NDUFAF6: variants seen among roughly 807,000 people sequenced by gnomAD.
The protein encoded by NDUFAF6 is NADH dehydrogenase (ubiquinone) complex I, assembly factor 6.
NDUFAF6 carries 45 observed loss-of-function variants against 40.8 expected under a neutral mutation model. That is an observed-to-expected ratio of 1.10 (90% CI 0.87 to 1.42). The LOEUF is 1.42. NDUFAF6 is among the 40% of genes most tolerant of loss of function. The pLI, the probability that NDUFAF6 is intolerant of heterozygous loss-of-function variation, is 0.00. For synonymous variants in NDUFAF6, 185 were observed against 155.9 expected (o/e 1.19, Z -1.39); for missense variants, 435 against 418.5 (o/e 1.04, Z -0.34).
At chr8:94,925,521 A>ATT (rs1048859401) in intron 1 of NDUFAF6, among the ~76,000 whole-genome samples, 1 of 147,554 alleles carries the variant, frequency 6.8e-6, no homozygotes, top group African/African-American at 2.5e-5. Context: ...CACTTAAGTG[A>ATT]TTCCTCATTT....
intron 2 of NDUFAF6, among the ~76,000 whole-genome samples, chr8:95,014,704 A>G (rs1162339768): frequency 1.3e-5 from 2 of 152,234 alleles, no homozygotes; most frequent in African/African-American, 4.8e-5. Context: ...ATAATTTACT[A>G]GCTCACATAA....
chr8:94,923,103 T>C (rs570323466), intron 1 of NDUFAF6, among the ~76,000 whole-genome samples: 1 of 152,040 alleles, frequency 6.6e-6, no homozygotes, highest in African/African-American at 2.4e-5. Flanking sequence ...CATGCGACCA[T>C]GAGAATGGCC....
At chr8:95,080,918 A>G (rs959731830), downstream of NDUFAF6, among the ~76,000 whole-genome samples, 5 of 152,156 alleles carry the variant, frequency 3.3e-5, no homozygotes, top group Non-Finnish European at 7.3e-5. Flanking sequence ...CCTTGGGCCA[A>G]TATGTCTCAG....
intron 2 of NDUFAF6, among the ~76,000 whole-genome samples, chr8:94,991,541 C>T (rs1211229291): frequency 6.6e-6 from 1 of 152,200 alleles, no homozygotes; most frequent in Non-Finnish European, 1.5e-5. Flanking sequence ...ATCTAATCAG[C>T]TTATGTATGT....
chr8:95,077,949 A>G (rs1295128165), downstream of NDUFAF6, among the ~76,000 whole-genome samples: 1 of 151,958 alleles, frequency 6.6e-6, no homozygotes, highest in African/African-American at 2.4e-5. Context: ...AGCCAAGTCA[A>G]TCACATCTGC....
chr8:94,980,113 C>A (rs1459242596), intron 1 of NDUFAF6, among the ~76,000 whole-genome samples: 6 of 149,486 alleles, frequency 4.0e-5, no homozygotes, highest in East Asian at 2.0e-4. Flanking sequence ...AAAAAAAAAA[C>A]AACAAAAAAA....
At chr8:94,902,664 G>A (rs1410066206) in intron 1 of NDUFAF6, among the ~76,000 whole-genome samples, 2 of 148,336 alleles carry the variant, frequency 1.3e-5, no homozygotes, top group East Asian at 2.0e-4. Context: ...ATTCTTGTAT[G>A]TCCACAAGGA....
chr8:94,957,617 G>T (rs1232872549), upstream of NDUFAF6, among the ~76,000 whole-genome samples: 1 of 152,204 alleles, frequency 6.6e-6, no homozygotes, highest in Non-Finnish European at 1.5e-5. Context: ...CAGCAAGATG[G>T]TCTACAGCAG....
intron 6 of NDUFAF6, 86 bp from the exon 7 acceptor site, chr8:95,048,367 TTTAA>T: frequency 2.2e-6 from 2 of 898,712 alleles, no homozygotes; most frequent in Non-Finnish European, 3.7e-6. Context: ...CTAAGTTAGT[TTTAA>T]TTGTTAGTTT....
At chr8:94,934,893 A>G (rs1208004653) in intron 1 of NDUFAF6, among the ~76,000 whole-genome samples, 1 of 152,178 alleles carries the variant, frequency 6.6e-6, no homozygotes, top group African/African-American at 2.4e-5. Flanking sequence ...TTCCCCACCC[A>G]TGACCTTACC....
chr8:94,973,474 T>A (rs186584308), intron 1 of NDUFAF6, among the ~76,000 whole-genome samples: 1 of 151,988 alleles, frequency 6.6e-6, no homozygotes, highest in Admixed American at 6.5e-5. Context: ...TTTGGGAGGC[T>A]AAGGCGGGCA....
intron 1 of NDUFAF6, chr8:94,980,739 C>T (rs570895121): frequency 3.0e-4 from 81 of 271,168 alleles, no homozygotes; most frequent in African/African-American, 1.7e-3. Context: ...TGTAAGCCAC[C>T]GTGCTTGGCC....
At chr8:94,940,238 T>C (rs1336962842) in intron 1 of NDUFAF6, 6 of 1,588,638 alleles carry the variant, frequency 3.8e-6, no homozygotes, top group East Asian at 2.2e-5. Context: ...GTAGTCCACA[T>C]TGCAGTCCAC....
At chr8:95,026,046 T>C (rs1828081230) in intron 1 of NDUFAF6, among the ~76,000 whole-genome samples, 1 of 152,220 alleles carries the variant, frequency 6.6e-6, no homozygotes, top group Non-Finnish European at 1.5e-5. Context: ...CCAAAAGTAC[T>C]TGAATGACTA....
intron 3 of NDUFAF6, 117 bp from the exon 4 acceptor site, chr8:95,041,453 G>A: frequency 1.4e-6 from 1 of 721,406 alleles, no homozygotes; most frequent in Non-Finnish European, 2.5e-6. Context: ...TCTATATGGT[G>A]ATGTTATTAC....
At chr8:94,982,231 C>CAA (rs555441147) in intron 2 of NDUFAF6, among the ~76,000 whole-genome samples, 3 of 143,060 alleles carry the variant, frequency 2.1e-5, no homozygotes, top group African/African-American at 7.6e-5. Context: ...GACTCCATCT[C>CAA]AAAAAAAAAA....
chr8:95,093,115 G>A (rs1326556943), intron 2 of NDUFAF6, among the ~76,000 whole-genome samples: 1 of 141,150 alleles, frequency 7.1e-6, no homozygotes, highest in East Asian at 2.3e-4. Context: ...TAATCCCTTG[G>A]GAGTGTAAGG....
chr8:95,004,005 G>C (rs1320166), intron 2 of NDUFAF6, among the ~76,000 whole-genome samples: 1,537 of 152,262 alleles, frequency 0.01, 28 homozygotes, highest in African/African-American at 0.035. Flanking sequence ...CAGACTACAC[G>C]TTCAGTGTGT....
chr8:94,962,981 G>A (rs566581687), intron 1 of NDUFAF6, among the ~76,000 whole-genome samples: 1 of 151,882 alleles, frequency 6.6e-6, no homozygotes, highest in Admixed American at 6.6e-5. Context: ...AGTAGAGACG[G>A]GGTTTCACCA....
Sources: gnomAD v4.1 joint callset for allele counts (sites outside exome capture counted in the v4.1 genomes callset) on GRCh38, gnomAD v4.1.1 for gene constraint, MANE v1.5 for transcripts, NCBI Gene and HGNC (gene_info 2026-07-23, HGNC 2026-07-21) for gene names.